Variants in PLPP1 observed in about 807,000 individuals in gnomAD.
PLPP1 encodes the protein lipid phosphate phosphohydrolase 1a.
Under a neutral mutation model 31.2 loss-of-function variants are expected in PLPP1, and 24 were observed. The observed-to-expected ratio is 0.77, with a 90% CI of 0.56 to 1.08. The LOEUF is 1.08. Among genes scored for constraint, PLPP1 ranks in the 50% least tolerant of loss-of-function variants. The probability of loss-of-function intolerance (pLI) is 0.00; values close to 1 mark genes in which losing one functional copy is unlikely to be tolerated. For missense variants in PLPP1, 319 were observed against 342.7 expected (o/e 0.93, Z 0.55); for synonymous variants, 146 against 126.3 (o/e 1.16, Z -1.05).
intron 3 of PLPP1, among the ~76,000 whole-genome samples, chr5:55,451,631 G>A (rs926755420): frequency 2.3e-4 from 35 of 150,726 alleles, no homozygotes; most frequent in South Asian, 1.0e-3. Flanking sequence ...GCATGATCTC[G>A]GCTCACTGCA....
rs116593695 is a variant in PLPP1 at position 55,459,394 on chromosome 5, A to G, written c.491+8475T>C. Among the ~76,000 whole-genome samples, 90 of 152,320 alleles carry G rather than the reference A, an allele frequency of 5.9e-4. 1 individual carries two copies. The highest frequency in any genetic ancestry group is 2.1e-3 in the African/African-American group (86 of 41,568). Reference sequence around the variant, plus strand: ...AACTCATAAAACATGTTGGTTAAAAAAAAATCAGTAAAGATATATAAGATT... The same window carrying G: ...AACTCATAAAACATGTTGGTTAAAAGAAAATCAGTAAAGATATATAAGATT... On this transcript the variant is annotated intron_variant, in intron 3 of 5. Transcript: ENST00000307259.
chr5:55,509,078 T>G (rs542933631), intron 1 of PLPP1, among the ~76,000 whole-genome samples: 16 of 152,258 alleles, frequency 1.1e-4, no homozygotes, highest in African/African-American at 3.9e-4. Context: ...TTCACTAAAG[T>G]AACGTAGAGG....
Position 55,534,961 on chromosome 5 carries a change from T to G in PLPP1, c.-332A>C, listed in dbSNP as rs1740836694. 2 of 342,876 alleles carry G rather than the reference T, an allele frequency of 5.8e-6. No individual in the cohort carries two copies. The highest frequency in any genetic ancestry group is 1.1e-5 in the Non-Finnish European group (2 of 187,346). 21.2% of individuals were successfully genotyped at this position (342,876 alleles called of 1,614,324 possible). On this transcript the variant is annotated 5_prime_UTR_variant, in exon 1 of 6. Transcript: ENST00000307259. ...TCCCCGTCCGGATCCCGGCGCTCTC[T>G]CCCACAGGCGGGGCGTCCAGACTCT...
intron 4 of PLPP1, among the ~76,000 whole-genome samples, chr5:55,439,319 G>A (rs1751567614): frequency 6.6e-6 from 1 of 152,030 alleles, no homozygotes; most frequent in South Asian, 2.1e-4. Context: ...TTCAAACCAC[G>A]CTCAAATAAA....
chr5:55,512,496 GAAAA>G, intron 1 of PLPP1, among the ~76,000 whole-genome samples: 246 of 13,282 alleles, frequency 0.019, 13 homozygotes, highest in African/African-American at 0.041. Context: ...AAGAAAGAAA[GAAAA>G]GAAAAGAAAA....
rs1740824299 is a variant in PLPP1, at chr5:55,534,720, G to A, written c.-91C>T. 24 of 1,353,218 alleles carry A rather than the reference G, an allele frequency of 1.8e-5. No homozygotes were observed. Among genetic ancestry groups the A allele is most frequent in the Non-Finnish European group, 2.3e-5 (23 of 1,001,756 alleles). 83.8% of individuals were successfully genotyped at this position (1,353,218 alleles called of 1,614,324 possible). A position where few individuals can be genotyped will look rare whatever the true frequency, so the allele number is the denominator to read the frequency against. ...GATTCTCGAGCCCGGGCCGGGGCTG[G>A]CGACGGCCCCGAGCTACGGCCCCTC... On this transcript the variant is annotated 5_prime_UTR_variant, in exon 1 of 6. Coordinates refer to ENST00000307259, the MANE Select transcript of PLPP1 (RefSeq NM_003711.4).
chr5:55,487,966 A>G (rs1752809301), intron 1 of PLPP1, among the ~76,000 whole-genome samples: 2 of 152,106 alleles, frequency 1.3e-5, no homozygotes, highest in African/African-American at 4.8e-5. Flanking sequence ...TGTCTCTATT[A>G]AAAATACAAA....
At chr5:55,524,962 AAC>A (rs1442880700) in intron 1 of PLPP1, among the ~76,000 whole-genome samples, 3 of 152,172 alleles carry the variant, frequency 2.0e-5, no homozygotes, top group Non-Finnish European at 2.9e-5. Context: ...TGTATAAAAT[AAC>A]AGTTTTTCCA....
chr5:55,458,524 TA>T (rs889265234), intron 3 of PLPP1, among the ~76,000 whole-genome samples: 3 of 149,968 alleles, frequency 2.0e-5, no homozygotes, highest in African/African-American at 2.4e-5. Context: ...ATTGCTACAC[TA>T]AAAAAAAATT....
intron 1 of PLPP1, among the ~76,000 whole-genome samples, chr5:55,503,020 C>T (rs1238739309): frequency 2.6e-5 from 4 of 152,166 alleles, no homozygotes; most frequent in African/African-American, 2.4e-5. Flanking sequence ...CAGGTCTTCC[C>T]TATTCTTTTG....
At chr5:55,438,856 G>A (rs1375599293) in intron 4 of PLPP1, among the ~76,000 whole-genome samples, 6 of 151,486 alleles carry the variant, frequency 4.0e-5, no homozygotes, top group South Asian at 4.2e-4. Context: ...AGCCGAGATC[G>A]CGCCACTGCA....
intron 1 of PLPP1, chr5:55,491,199 T>A (rs6860638): frequency 4.5e-5 from 64 of 1,434,612 alleles, no homozygotes; most frequent in Non-Finnish European, 5.3e-5. Flanking sequence ...GGGATGCAAA[T>A]CCTAGCCATA....
At chr5:55,427,255 A>C (rs1346250279) in intron 4 of PLPP1, among the ~76,000 whole-genome samples, 2 of 152,234 alleles carry the variant, frequency 1.3e-5, no homozygotes, top group Admixed American at 1.3e-4. Flanking sequence ...CCTATTTAAA[A>C]TAGATGACAC....
At chr5:55,512,512 A>AAAG (rs1165409826) in intron 1 of PLPP1, among the ~76,000 whole-genome samples, 1,268 of 36,786 alleles carry the variant, frequency 0.034, 79 homozygotes, top group Admixed American at 0.071. Context: ...AAAAGAAAAG[A>AAAG]AAAGAAAGAA....
intron 2 of PLPP1, 92 bp from the exon 3 acceptor site, chr5:55,468,241 C>T (rs1277133893): frequency 3.4e-6 from 4 of 1,166,434 alleles, no homozygotes; most frequent in Non-Finnish European, 4.8e-6. Flanking sequence ...AATGGTAAAT[C>T]GCAAAAATAT....
intron 2 of PLPP1, among the ~76,000 whole-genome samples, chr5:55,473,994 G>GTTTCTGTTT (rs59649742): frequency 7.6e-5 from 11 of 145,050 alleles, no homozygotes; most frequent in African/African-American, 2.0e-4. Context: ...TTGTTTGTTT[G>GTTTCTGTTT]TTGTTTTTTT....
At chr5:55,459,771 T>C (rs1168302724) in intron 3 of PLPP1, among the ~76,000 whole-genome samples, 1 of 151,976 alleles carries the variant, frequency 6.6e-6, no homozygotes, top group Admixed American at 6.6e-5. Flanking sequence ...CAGATTTTCT[T>C]CAATAACAGC....
intron 3 of PLPP1, among the ~76,000 whole-genome samples, chr5:55,455,341 C>T (rs548182553): frequency 6.6e-6 from 1 of 152,260 alleles, no homozygotes; most frequent in South Asian, 2.1e-4. Flanking sequence ...CCTGTAATCC[C>T]GGCACTGTAG....
intron 1 of PLPP1, among the ~76,000 whole-genome samples, chr5:55,509,184 A>G (rs1753351507): frequency 6.6e-6 from 1 of 152,240 alleles, no homozygotes; most frequent in African/African-American, 2.4e-5. Context: ...GTATGTTTCA[A>G]TAAGAAATGA....
Sources: gnomAD v4.1 joint callset for allele counts (sites outside exome capture counted in the v4.1 genomes callset) on GRCh38, gnomAD v4.1.1 for gene constraint, MANE v1.5 for transcripts, NCBI Gene and HGNC (gene_info 2026-07-23, HGNC 2026-07-21) for gene names.